OR6K3: variants seen among roughly 807,000 people sequenced by gnomAD.
OR6K3 encodes olfactory receptor family 6 subfamily K member 3, also known as olfactory receptor 6K3.
For synonymous variants in OR6K3, 169 were observed against 137.7 expected, an observed-to-expected ratio of 1.23 and a Z score of -1.59; for missense variants, 396 against 382.5, an observed-to-expected ratio of 1.04 and a Z score of -0.29.
upstream of OR6K3, among the ~76,000 whole-genome samples, chr1:158,723,389 T>C (rs1306056272): frequency 6.6e-6 from 1 of 151,994 alleles, no homozygotes; most frequent in East Asian, 1.9e-4. Context: ...TAACAACAAA[T>C]ATACTATAAA....
At position 158,717,037 on chromosome 1, in the gene OR6K3, A is replaced by C. The variant is rs1205698631; in HGVS notation, c.*131T>G. 2.9e-6 allele frequency: 2 copies of C among 688,584 alleles called. No homozygotes were observed. The highest frequency in any genetic ancestry group is 3.6e-5 in the African/African-American group (2 of 55,698). The allele number at this position is 688,584 out of a possible 1,614,324, so 42.7% of individuals were successfully genotyped here. ...GGAGGCTGAGGCAGGAGAATTGTTCAAAACCAGGAGGTGGAGGTTGCAGTG... is the reference window on the plus strand; with the variant it reads ...GGAGGCTGAGGCAGGAGAATTGTTCCAAACCAGGAGGTGGAGGTTGCAGTG... On this transcript the variant is annotated 3_prime_UTR_variant, in exon 2 of 2. Coordinates refer to ENST00000368145, the MANE Select transcript of OR6K3 (RefSeq NM_001005327.3).
At chr1:158,723,170 C>A (rs187731290), upstream of OR6K3, among the ~76,000 whole-genome samples, 1 of 151,986 alleles carries the variant, frequency 6.6e-6, no homozygotes, top group Admixed American at 6.6e-5. Flanking sequence ...TTAAAGGCAG[C>A]AAAAGTGAAA....
rs891779523 is a variant in OR6K3 at position 158,716,519 on chromosome 1, T to C, written c.*649A>G. 6.6e-6 allele frequency: 1 copy of C among 152,124 alleles called. No individual in the cohort carries two copies. Among genetic ancestry groups the C allele is most frequent in the African/African-American group, 2.4e-5 (1 of 41,458 alleles). 9.4% of individuals were successfully genotyped at this position (152,124 alleles called of 1,614,324 possible). A position where few individuals can be genotyped will look rare whatever the true frequency, so the allele number is the denominator to read the frequency against. On this transcript the variant is annotated 3_prime_UTR_variant, in exon 2 of 2. Coordinates refer to ENST00000368145, the MANE Select transcript of OR6K3 (RefSeq NM_001005327.3). ...AAAAACTTTTCTAAGATGTGTTACC[T>C]AAATAGACACATACTACCACAGAGC...
rs140925198 is a variant in OR6K3 at position 158,717,789 on chromosome 1, GT to G, written c.326del (p.Asn109ThrfsTer7). 75 of 1,613,868 alleles carry G rather than the reference GT, an allele frequency of 4.6e-5. No individual in the cohort carries two copies. In the African/African-American group the frequency reaches 9.1e-4, roughly 20 times the overall value. ...TGGTGGTCAGCAAGATCCCCTCTGA[GT>G]TTTCAAGTGAGTGGAAGAAATACAT... ...LQMYFFHSLE[N>X]SEGILLTTMA... is the part of the protein sequence containing the mutation. On this transcript the variant is annotated frameshift_variant, in exon 2 of 2. Coordinates refer to ENST00000368145, the MANE Select transcript of OR6K3 (RefSeq NM_001005327.3). LOFTEE classifies it low-confidence loss of function (END_TRUNC).
chr1:158,720,409 G>A (rs1331562098), intron 1 of OR6K3, among the ~76,000 whole-genome samples: 2 of 151,928 alleles, frequency 1.3e-5, no homozygotes, highest in African/African-American at 4.8e-5. Context: ...AGGGAACTAT[G>A]ACAATTCAGT....
chr1:158,716,991 G>C lies in OR6K3; in HGVS notation c.*177C>G, dbSNP rs544453089. 31 of 557,304 alleles carry C rather than the reference G, an allele frequency of 5.6e-5. No individual in the cohort carries two copies. Among genetic ancestry groups the C allele is most frequent in the Middle Eastern group, 4.6e-4 (1 of 2,190 alleles). 34.5% of individuals were successfully genotyped at this position (557,304 alleles called of 1,614,324 possible). On this transcript the variant is annotated 3_prime_UTR_variant, in exon 2 of 2. Transcript: ENST00000368145. ...AAATTAGCTGGGTGTGGTGGTGCAT[G>C]CCTGTAATCGCGGCTACTAGGGAGG... is the stretch of plus-strand genomic sequence containing the variant.
intron 1 of OR6K3, among the ~76,000 whole-genome samples, chr1:158,718,438 G>T (rs1028435961): frequency 1.3e-5 from 2 of 150,880 alleles, no homozygotes; most frequent in African/African-American, 4.8e-5. Flanking sequence ...TGGCACAACT[G>T]CAGAAATAGG....
rs79482939 is a variant in OR6K3, at chr1:158,717,352, G to T, written c.764C>A (p.Ser255Ter). The change falls in exon 2 of 2, where the codon TCA becomes TAA. Residue 255 changes from serine (S) to a stop codon, truncating the protein, a stop_gained. Coordinates refer to ENST00000368145, the MANE Select transcript of OR6K3 (RefSeq NM_001005327.3). LOFTEE classifies it low-confidence loss of function (END_TRUNC). ...GTCGCTGAAACGCAAGTACATGAGT[G>T]ATACACTGCCAAAGAATATCGGGAA... ...MVFPIFFGSV[S>*]LMYLRFSDTY... 55 of 1,613,742 alleles carry T rather than the reference G, an allele frequency of 3.4e-5. No homozygotes were observed. In the African/African-American group the frequency reaches 7.1e-4, roughly 21 times the overall value.
chr1:158,721,430 T>G (rs1193693197), upstream of OR6K3, among the ~76,000 whole-genome samples: 2 of 152,004 alleles, frequency 1.3e-5, no homozygotes, highest in Admixed American at 6.6e-5. Flanking sequence ...ACTTTTATCA[T>G]GTCATCTTCT....
At chr1:158,722,873 ATT>A (rs1373984495), upstream of OR6K3, among the ~76,000 whole-genome samples, 1 of 152,010 alleles carries the variant, frequency 6.6e-6, no homozygotes, top group Admixed American at 6.6e-5. Flanking sequence ...AACAGAAATT[ATT>A]TTCTTTTCTA....
At chr1:158,724,370 C>T (rs1656341882), upstream of OR6K3, 1 of 200,388 alleles carries the variant, frequency 5.0e-6, no homozygotes, top group Admixed American at 5.1e-5. Flanking sequence ...TGGCGGCCTT[C>T]AACAGAGGGA....
upstream of OR6K3, among the ~76,000 whole-genome samples, chr1:158,721,259 T>C (rs368531209): frequency 1.2e-4 from 19 of 152,058 alleles, no homozygotes; most frequent in East Asian, 2.7e-3. Flanking sequence ...ATGTCGTGAG[T>C]GTGTATGGGT....
At chr1:158,719,867 A>C (rs916553398) in intron 1 of OR6K3, among the ~76,000 whole-genome samples, 12 of 152,068 alleles carry the variant, frequency 7.9e-5, no homozygotes, top group African/African-American at 2.9e-4. Context: ...CACTATTCCA[A>C]GCACATTGTA....
chr1:158,723,270 G>C (rs535065190), upstream of OR6K3, among the ~76,000 whole-genome samples: 1 of 129,060 alleles, frequency 7.7e-6, no homozygotes, highest in South Asian at 2.4e-4. Flanking sequence ...TTTGGAATGT[G>C]CTGGAGACTA....
In OR6K3 at chr1:158,717,955, TG is replaced by T; in HGVS notation, c.160del (p.His54IlefsTer41). 1 of 1,613,582 alleles carries T rather than the reference TG, an allele frequency of 6.2e-7. No individual in the cohort carries two copies. Among genetic ancestry groups the T allele is most frequent in the Non-Finnish European group, 8.5e-7 (1 of 1,179,688 alleles). On this transcript the variant is annotated frameshift_variant, in exon 2 of 2. Transcript: ENST00000368145. LOFTEE classifies it low-confidence loss of function (END_TRUNC). ...AAAATTATACATGGGGTTGTGGAGA[TG>T]GGTGTCCAGCCTTACAGCAGAGAAG... ...LIFSAVRLDT[H>X]LHNPMYNFIS...
intron 1 of OR6K3, among the ~76,000 whole-genome samples, chr1:158,720,137 G>A (rs12070574): frequency 0.018 from 2,814 of 152,146 alleles, 81 homozygotes; most frequent in African/African-American, 0.065. Flanking sequence ...ACACTTGGAA[G>A]TGTTGAATGC....
At chr1:158,719,641 G>A (rs1656245657) in intron 1 of OR6K3, among the ~76,000 whole-genome samples, 5 of 151,716 alleles carry the variant, frequency 3.3e-5, no homozygotes, top group Non-Finnish European at 2.9e-5. Context: ...CTAGATGCCA[G>A]AAAAAAAATT....
intron 1 of OR6K3, among the ~76,000 whole-genome samples, chr1:158,718,989 C>G (rs1656234434): frequency 6.6e-6 from 1 of 152,142 alleles, no homozygotes; most frequent in Non-Finnish European, 1.5e-5. Flanking sequence ...TCCTCCCGAG[C>G]ATTATGCTGA....
chr1:158,720,382 T>C (rs921882265), intron 1 of OR6K3, among the ~76,000 whole-genome samples: 3 of 151,800 alleles, frequency 2.0e-5, no homozygotes, highest in South Asian at 2.1e-4. Context: ...ACAAAGAAAA[T>C]TGGGGACTGT....
Sources: gnomAD v4.1 joint callset for allele counts (sites outside exome capture counted in the v4.1 genomes callset) on GRCh38, gnomAD v4.1.1 for gene constraint, MANE v1.5 for transcripts, NCBI Gene and HGNC (gene_info 2026-07-23, HGNC 2026-07-21) for gene names.